METTL24: variants seen among roughly 807,000 people sequenced by gnomAD.
METTL24 encodes the protein probable methyltransferase-like protein 24.
In METTL24, 29 loss-of-function variants were observed where a neutral mutation model predicts 32.7. The observed-to-expected ratio is 0.89, with a 90% confidence interval of 0.66 to 1.21. The LOEUF is 1.21. Ranked by LOEUF, METTL24 falls within the 50% of genes most tolerant of loss-of-function variation. The pLI is 0.00. For missense variants in METTL24, 439 were observed against 468.1 expected (o/e 0.94, Z 0.57); for synonymous variants, 163 against 179.5 (o/e 0.91, Z 0.73).
intron 1 of METTL24, among the ~76,000 whole-genome samples, chr6:110,346,898 T>TTAATCATCGTTATATGTAAATACATA (rs1355849165): frequency 4.6e-5 from 7 of 152,222 alleles, no homozygotes; most frequent in African/African-American, 1.7e-4. Flanking sequence ...CTTCCCCTTA[T>TTAATCATCGTTATATGTAAATACATA]TAATCATCGT....
rs1430074024 is a variant in METTL24, at chr6:110,302,452, T to TACACACAC, written c.558-3303_558-3302insGTGTGTGT. Reference sequence around the variant, plus strand: ...ACACACATATGTGTATATATACACATATACACACATATGTGTATATATACA... The same window carrying TACACACAC: ...ACACACATATGTGTATATATACACATACACACACATACACACATATGTGTATATATACA... On this transcript the variant is annotated intron_variant, in intron 3 of 4. Transcript: ENST00000338882. Among the ~76,000 whole-genome samples, 11 of 122,726 alleles carry TACACACAC rather than the reference T, an allele frequency of 9.0e-5. No individual in the cohort carries two copies. The East Asian group carries it at 1.7e-3, about 19-fold the overall frequency. The allele number at this position is 122,726 out of a possible 152,430, so 80.5% of individuals were successfully genotyped here. A position where few individuals can be genotyped will look rare whatever the true frequency, so the allele number is the denominator to read the frequency against.
At chr6:110,313,912 C>T (rs1771769228) in intron 3 of METTL24, among the ~76,000 whole-genome samples, 1 of 152,224 alleles carries the variant, frequency 6.6e-6, no homozygotes, top group Non-Finnish European at 1.5e-5. Context: ...CACCAATATA[C>T]ACCATTGCTC....
chr6:110,337,387 T>C (rs1393570191), intron 1 of METTL24, among the ~76,000 whole-genome samples: 4 of 152,174 alleles, frequency 2.6e-5, no homozygotes, highest in African/African-American at 4.8e-5. Context: ...AGTTTACCTA[T>C]GTAACAAACC....
At chr6:110,286,865 CG>C (rs1369378688) in intron 4 of METTL24, among the ~76,000 whole-genome samples, 17 of 152,294 alleles carry the variant, frequency 1.1e-4, no homozygotes, top group African/African-American at 4.1e-4. Context: ...CTGGCCTAGC[CG>C]GATGCTTCAT....
chr6:110,336,547 T>C (rs939975455), intron 1 of METTL24, among the ~76,000 whole-genome samples: 4 of 152,058 alleles, frequency 2.6e-5, no homozygotes, highest in Admixed American at 2.0e-4. Flanking sequence ...GAGACCATCC[T>C]GGCTAACACG....
intron 4 of METTL24, among the ~76,000 whole-genome samples, chr6:110,265,763 G>T (rs1172837343): frequency 2.0e-5 from 3 of 152,066 alleles, no homozygotes; most frequent in Non-Finnish European, 1.5e-5. Context: ...TGACTCTGGA[G>T]TCTCCTTACA....
In METTL24 at chr6:110,357,637, C is replaced by T. The variant is rs527377420; in HGVS notation, c.318+318G>A. On this transcript the variant is annotated intron_variant, in intron 1 of 4. Transcript: ENST00000338882. ...TGCCTATCACGCAAACACTCCCCTACTAAAGTGTATCCTCCGTGAGAACAG... is the reference window on the plus strand; with the variant it reads ...TGCCTATCACGCAAACACTCCCCTATTAAAGTGTATCCTCCGTGAGAACAG... The T allele has an allele frequency of 1.2e-4, 19 of 159,150 alleles. No individual in the cohort carries two copies. In the East Asian group the frequency reaches 3.3e-3, roughly 28 times the overall value. The allele number at this position is 159,150 out of a possible 1,614,324, so 9.9% of individuals were successfully genotyped here.
At position 110,320,987 on chromosome 6, in the gene METTL24, A is replaced by C. The variant is rs1771921130; in HGVS notation, c.417+1787T>G. Among the ~76,000 whole-genome samples, 3 of 152,190 alleles carry C rather than the reference A, an allele frequency of 2.0e-5. No homozygotes were observed. The South Asian group carries it at 6.2e-4, about 32-fold the overall frequency. On this transcript the variant is annotated intron_variant, in intron 2 of 4. Coordinates refer to ENST00000338882, the MANE Select transcript of METTL24 (RefSeq NM_001123364.3). ...CGCAGTGGCTCACACCTGTAATCCC[A>C]GCACTTTGGGAGGCTGAGGTGGGTG... is the stretch of plus-strand genomic sequence containing the variant.
intron 2 of METTL24, among the ~76,000 whole-genome samples, chr6:110,322,149 G>T (rs1315970856): frequency 1.3e-5 from 2 of 152,182 alleles, no homozygotes; most frequent in African/African-American, 4.8e-5. Context: ...TGTCTTAATG[G>T]ACAGTCTCTT....
At chr6:110,281,538 G>A (rs948964038) in intron 4 of METTL24, among the ~76,000 whole-genome samples, 7 of 151,930 alleles carry the variant, frequency 4.6e-5, no homozygotes, top group Admixed American at 6.6e-5. Flanking sequence ...CCACTAAGGA[G>A]GCTGAGGTTG....
intron 1 of METTL24, among the ~76,000 whole-genome samples, chr6:110,336,243 G>A (rs75256899): frequency 0.056 from 8,588 of 152,234 alleles, 397 homozygotes; most frequent in Non-Finnish European, 0.08. Flanking sequence ...GGGCCAGCCC[G>A]AGTCCCTGAA....
intron 3 of METTL24, among the ~76,000 whole-genome samples, chr6:110,315,087 T>C (rs766343544): frequency 2.0e-5 from 3 of 152,020 alleles, no homozygotes; most frequent in Non-Finnish European, 4.4e-5. Context: ...AAGAGGTTTA[T>C]CCACATGATG....
chr6:110,280,096 G>A (rs981522023), intron 4 of METTL24, among the ~76,000 whole-genome samples: 1 of 152,126 alleles, frequency 6.6e-6, no homozygotes, highest in African/African-American at 2.4e-5. Flanking sequence ...GAGTGATGGT[G>A]CTAAATATTA....
At chr6:110,326,894 C>G (rs1772026455) in intron 1 of METTL24, among the ~76,000 whole-genome samples, 1 of 152,166 alleles carries the variant, frequency 6.6e-6, no homozygotes, top group Middle Eastern at 3.2e-3. Context: ...CGGGGTGGAG[C>G]AGGGTGGAGG....
At chr6:110,341,062 A>G (rs774127191) in intron 1 of METTL24, among the ~76,000 whole-genome samples, 1 of 151,044 alleles carries the variant, frequency 6.6e-6, no homozygotes, top group Non-Finnish European at 1.5e-5. Flanking sequence ...TGTTTTTCCT[A>G]TTAAGTTAAT....
At chr6:110,345,875 C>T (rs1453883913) in intron 1 of METTL24, among the ~76,000 whole-genome samples, 1 of 152,112 alleles carries the variant, frequency 6.6e-6, no homozygotes, top group African/African-American at 2.4e-5. Flanking sequence ...ACAACAAGCC[C>T]CCATGACACA....
At chr6:110,254,017 G>A (rs892685014) in intron 4 of METTL24, 27 of 1,237,388 alleles carry the variant, frequency 2.2e-5, no homozygotes, top group African/African-American at 1.7e-4. Context: ...GACATATTTG[G>A]AATCCCTCAC....
intron 3 of METTL24, among the ~76,000 whole-genome samples, chr6:110,315,106 G>A (rs774759183): frequency 4.6e-5 from 7 of 152,026 alleles, no homozygotes; most frequent in Non-Finnish European, 7.4e-5. Context: ...TGAGAACGGG[G>A]GCTTCCAACT....
chr6:110,321,743 T>A (rs1415567642), intron 2 of METTL24, among the ~76,000 whole-genome samples: 1 of 152,212 alleles, frequency 6.6e-6, no homozygotes, highest in Non-Finnish European at 1.5e-5. Flanking sequence ...AATACTAAAA[T>A]TCCTATGATT....
Sources: gnomAD v4.1 joint callset for allele counts (sites outside exome capture counted in the v4.1 genomes callset) on GRCh38, gnomAD v4.1.1 for gene constraint, MANE v1.5 for transcripts, NCBI Gene and HGNC (gene_info 2026-07-23, HGNC 2026-07-21) for gene names.